NRG1: variants seen among roughly 807,000 people sequenced by gnomAD.
The protein encoded by NRG1 is neuregulin 1, also known as pro-neuregulin-1, membrane-bound isoform.
Under a neutral mutation model 63.8 loss-of-function variants are expected in NRG1, and 18 were observed. The observed-to-expected ratio is 0.28, with a 90% confidence interval of 0.19 to 0.42. NRG1 has a LOEUF of 0.42. Ranked by LOEUF, NRG1 falls within the 10% of genes least tolerant of loss-of-function variation. NRG1 has a pLI of 1.00. For missense variants in NRG1, 762 were observed against 814.7 expected, an observed-to-expected ratio of 0.94 and a Z score of 0.79; for synonymous variants, 302 against 301.3, an observed-to-expected ratio of 1.00 and a Z score of -0.02.
chr8:32,474,714 C>A (rs531981825), intron 1 of NRG1, among the ~76,000 whole-genome samples: 29 of 151,960 alleles, frequency 1.9e-4, no homozygotes, highest in African/African-American at 6.5e-4. Flanking sequence ...CCATGTTGGC[C>A]GGGATGGTCT....
intron 1 of NRG1, among the ~76,000 whole-genome samples, chr8:32,378,981 G>A (rs1809997710): frequency 6.6e-6 from 1 of 152,102 alleles, no homozygotes; most frequent in African/African-American, 2.4e-5. Flanking sequence ...AGTATTCCAT[G>A]GTGTATATGT....
intron 1 of NRG1, among the ~76,000 whole-genome samples, chr8:32,350,925 A>G (rs1031651244): frequency 5.3e-5 from 8 of 152,208 alleles, no homozygotes; most frequent in Admixed American, 1.3e-4. Flanking sequence ...TGTCCATAGC[A>G]GATGCTCAGT....
intron 5 of NRG1, among the ~76,000 whole-genome samples, chr8:32,722,637 C>T (rs1019296537): frequency 3.3e-5 from 5 of 152,090 alleles, no homozygotes; most frequent in African/African-American, 1.2e-4. Flanking sequence ...ATGGATATGA[C>T]ACTATTTTAA....
chr8:32,436,506 C>T (rs910729278), intron 1 of NRG1, among the ~76,000 whole-genome samples: 3 of 152,170 alleles, frequency 2.0e-5, no homozygotes, highest in Non-Finnish European at 4.4e-5. Flanking sequence ...TTTGATTTCT[C>T]CAACCAATGA....
At chr8:31,760,050 C>G (rs1817368241) in intron 1 of NRG1, among the ~76,000 whole-genome samples, 2 of 152,058 alleles carry the variant, frequency 1.3e-5, no homozygotes, top group Non-Finnish European at 2.9e-5. Context: ...ATATCCTGAA[C>G]CCCTCAAAGT....
chr8:32,598,176 A>G (rs889449474), intron 2 of NRG1, among the ~76,000 whole-genome samples: 3 of 152,138 alleles, frequency 2.0e-5, no homozygotes, highest in South Asian at 4.1e-4. Flanking sequence ...TACAGAGATT[A>G]TCTAGTTCAG....
intron 1 of NRG1, among the ~76,000 whole-genome samples, chr8:32,588,014 C>G (rs1419049301): frequency 2.0e-5 from 3 of 152,012 alleles, no homozygotes; most frequent in African/African-American, 7.2e-5. Context: ...CTCTGCCTCC[C>G]CAGTTCAAAT....
intron 5 of NRG1, among the ~76,000 whole-genome samples, chr8:32,640,680 A>G (rs550551257): frequency 6.6e-6 from 1 of 151,964 alleles, no homozygotes; most frequent in East Asian, 1.9e-4. Flanking sequence ...GTAAATGGAT[A>G]TGTCATTGAG....
chr8:32,182,798 A>G (rs984075726), intron 1 of NRG1, among the ~76,000 whole-genome samples: 10 of 152,232 alleles, frequency 6.6e-5, no homozygotes, highest in Non-Finnish European at 1.0e-4. Context: ...TGTGAAAAAA[A>G]AATCTCCTAT....
intron 2 of NRG1, among the ~76,000 whole-genome samples, chr8:32,603,142 C>T (rs949477443): frequency 6.6e-6 from 1 of 152,048 alleles, no homozygotes; most frequent in African/African-American, 2.4e-5. Context: ...GTGGTCTCCC[C>T]ATTCCTAGAT....
intron 1 of NRG1, among the ~76,000 whole-genome samples, chr8:31,838,562 T>C (rs558898612): frequency 1.3e-5 from 2 of 152,284 alleles, no homozygotes; most frequent in Admixed American, 1.3e-4. Flanking sequence ...TCTTTCTATC[T>C]GGGAACATGA....
At chr8:32,479,106 C>A (rs1824894546) in intron 1 of NRG1, among the ~76,000 whole-genome samples, 1 of 152,118 alleles carries the variant, frequency 6.6e-6, no homozygotes, top group South Asian at 2.1e-4. Flanking sequence ...AAAACAAAAA[C>A]ATAAGAGACA....
chr8:31,818,955 G>A (rs1823729341), intron 1 of NRG1, among the ~76,000 whole-genome samples: 1 of 152,214 alleles, frequency 6.6e-6, no homozygotes, highest in Non-Finnish European at 1.5e-5. Context: ...TCGGGAGGCT[G>A]AGGCGAGAGA....
intron 1 of NRG1, among the ~76,000 whole-genome samples, chr8:32,483,387 G>A (rs1017230675): frequency 6.6e-6 from 1 of 152,168 alleles, no homozygotes; most frequent in African/African-American, 2.4e-5. Flanking sequence ...GAATTGTAGT[G>A]TTAGGAAGAT....
chr8:31,995,684 A>G (rs1465849006), intron 1 of NRG1, among the ~76,000 whole-genome samples: 2 of 151,912 alleles, frequency 1.3e-5, no homozygotes, highest in Non-Finnish European at 2.9e-5. Context: ...CTTGTTTCCC[A>G]GATAAACTAT....
At chr8:31,941,231 G>A (rs1489240031) in intron 1 of NRG1, among the ~76,000 whole-genome samples, 1 of 151,952 alleles carries the variant, frequency 6.6e-6, no homozygotes, top group African/African-American at 2.4e-5. Flanking sequence ...AGGGATGCAG[G>A]GATGGTTTAA....
At chr8:32,738,425 TACAC>T (rs35398326) in intron 6 of NRG1, among the ~76,000 whole-genome samples, 55 of 149,762 alleles carry the variant, frequency 3.7e-4, no homozygotes, top group African/African-American at 1.2e-3. Context: ...GGTATATACA[TACAC>T]ACACACACAC....
intron 1 of NRG1, among the ~76,000 whole-genome samples, chr8:32,027,463 TCCTTC>T (rs1817613796): frequency 8.4e-6 from 1 of 119,148 alleles, no homozygotes; most frequent in Non-Finnish European, 1.7e-5. Context: ...CTTCCTTCCT[TCCTTC>T]CCTCCCTCCC....
chr8:31,648,590 A>T (rs1337960169), intron 1 of NRG1, among the ~76,000 whole-genome samples: 12 of 152,266 alleles, frequency 7.9e-5, no homozygotes, highest in African/African-American at 2.6e-4. Flanking sequence ...GCCACTGACA[A>T]ACACTATTCT....
Sources: gnomAD v4.1 joint callset for allele counts (sites outside exome capture counted in the v4.1 genomes callset) on GRCh38, gnomAD v4.1.1 for gene constraint, MANE v1.5 for transcripts, NCBI Gene and HGNC (gene_info 2026-07-23, HGNC 2026-07-21) for gene names.